The following GRIN2A variants were observed in gnomAD, a reference collection of about 807,000 sequenced individuals.
GRIN2A encodes glutamate ionotropic receptor NMDA type subunit 2A, also known as glutamate receptor ionotropic, NMDA 2A.
In GRIN2A, 22 loss-of-function variants were observed where a neutral mutation model predicts 113.4. The observed-to-expected ratio is 0.19, with a 90% CI of 0.14 to 0.28. The LOEUF (loss-of-function observed/expected upper bound fraction) is 0.28, where lower values mean the gene tolerates loss of function less well. Ranked by LOEUF, GRIN2A falls within the 10% of genes least tolerant of loss-of-function variation. The probability of loss-of-function intolerance (pLI) is 1.00; values close to 1 mark genes in which losing one functional copy is unlikely to be tolerated. For synonymous variants in GRIN2A, 827 were observed against 738.4 expected, an observed-to-expected ratio of 1.12 and a Z score of -1.94; for missense variants, 1,502 against 1,887.0, an observed-to-expected ratio of 0.80 and a Z score of 3.78.
intron 2 of GRIN2A, among the ~76,000 whole-genome samples, chr16:9,985,037 T>TGC (rs1354084009): frequency 2.6e-5 from 4 of 152,062 alleles, no homozygotes; most frequent in African/African-American, 7.2e-5. Flanking sequence ...CATGCATGCA[T>TGC]GCGTGCACAC....
Position 9,804,782 on chromosome 16 carries a change from C to T in GRIN2A, c.2169-6318G>A, listed in dbSNP as rs180900457. On this transcript the variant is annotated intron_variant, in intron 10 of 12. Coordinates refer to ENST00000330684, the MANE Select transcript of GRIN2A (RefSeq NM_001134407.3). Reference sequence around the variant, plus strand: ...TGCTGGCTACATGACAGGCTCACCCCCTGCCAGGCATCTTAGTGGCTGTGC... The same window carrying T: ...TGCTGGCTACATGACAGGCTCACCCTCTGCCAGGCATCTTAGTGGCTGTGC... Among the ~76,000 whole-genome samples the T allele has an allele frequency of 1.8e-3, 279 of 152,288 alleles. 1 individual carries two copies. The highest frequency in any genetic ancestry group is 6.2e-3 in the African/African-American group (259 of 41,564).
At chr16:10,092,515 A>G (rs979941376) in intron 2 of GRIN2A, among the ~76,000 whole-genome samples, 1 of 152,186 alleles carries the variant, frequency 6.6e-6, no homozygotes, top group Non-Finnish European at 1.5e-5. Flanking sequence ...AAAATTAAGC[A>G]TTATTTTTTT....
chr16:9,786,924 A>G (rs2077923), intron 11 of GRIN2A, among the ~76,000 whole-genome samples: 56,979 of 151,954 alleles, frequency 0.37, 11,593 homozygotes, highest in African/African-American at 0.55. Context: ...TATCTAAGGG[A>G]CCTGAAGAGT....
chr16:9,915,238 C>A lies in GRIN2A; in HGVS notation c.1007+22721G>T, dbSNP rs2141564088. Reference sequence around the variant, plus strand: ...GGCGTGAGCCACCACTCCCGGCCAACTATACAGAATTCTTAATAAGGCAAG... The same window carrying A: ...GGCGTGAGCCACCACTCCCGGCCAAATATACAGAATTCTTAATAAGGCAAG... On this transcript the variant is annotated intron_variant, in intron 3 of 12. Coordinates refer to ENST00000330684, the MANE Select transcript of GRIN2A (RefSeq NM_001134407.3). Among the ~76,000 whole-genome samples, 3 of 151,898 alleles carry A rather than the reference C, an allele frequency of 2.0e-5. No individual in the cohort carries two copies. The Middle Eastern group carries it at 0.01, about 517-fold the overall frequency.
chr16:9,826,630 A>G (rs1015116025), intron 9 of GRIN2A, among the ~76,000 whole-genome samples: 1 of 152,178 alleles, frequency 6.6e-6, no homozygotes, highest in Admixed American at 6.5e-5. Flanking sequence ...TGTATCTTCT[A>G]TTAATCTTCT....
At chr16:10,146,429 C>G (rs1228411074) in intron 2 of GRIN2A, among the ~76,000 whole-genome samples, 2 of 152,014 alleles carry the variant, frequency 1.3e-5, no homozygotes, top group Non-Finnish European at 2.9e-5. Flanking sequence ...TTATAGAATC[C>G]CCTAAAGGTG....
intron 2 of GRIN2A, among the ~76,000 whole-genome samples, chr16:10,016,579 G>C (rs1274329284): frequency 6.6e-6 from 1 of 152,170 alleles, no homozygotes. Context: ...ATCTGGCATA[G>C]CATCCCACAC....
chr16:9,918,867 G>A (rs534504329), intron 3 of GRIN2A, among the ~76,000 whole-genome samples: 8 of 151,798 alleles, frequency 5.3e-5, no homozygotes, highest in Non-Finnish European at 7.4e-5. Context: ...CACTACGGGC[G>A]TTTAGTGGTT....
At chr16:9,885,788 G>C (rs1239561454) in intron 4 of GRIN2A, among the ~76,000 whole-genome samples, 2 of 152,194 alleles carry the variant, frequency 1.3e-5, no homozygotes, top group African/African-American at 2.4e-5. Context: ...CTCTTTCTTA[G>C]AGACAGAAGC....
intron 2 of GRIN2A, among the ~76,000 whole-genome samples, chr16:10,068,728 C>T (rs969149694): frequency 1.3e-5 from 2 of 152,154 alleles, no homozygotes; most frequent in Non-Finnish European, 1.5e-5. Context: ...AATGTACAAA[C>T]CAAACTAAGG....
intron 11 of GRIN2A, among the ~76,000 whole-genome samples, chr16:9,788,200 C>T (rs997783299): frequency 1.3e-5 from 2 of 152,070 alleles, no homozygotes; most frequent in African/African-American, 4.8e-5. Context: ...TCTCCCTTTA[C>T]TCCTCCCTTT....
chr16:9,987,365 C>T (rs979755841), intron 2 of GRIN2A, among the ~76,000 whole-genome samples: 2 of 152,088 alleles, frequency 1.3e-5, no homozygotes, highest in African/African-American at 4.8e-5. Flanking sequence ...AACTCAGAAA[C>T]TATGGAAGCA....
chr16:10,079,423 G>A (rs550393514), intron 2 of GRIN2A, among the ~76,000 whole-genome samples: 2 of 152,288 alleles, frequency 1.3e-5, no homozygotes, highest in Admixed American at 1.3e-4. Context: ...AGCCCATGGG[G>A]TAGGCACTAT....
chr16:10,133,336 A>T (rs145141564), intron 2 of GRIN2A, among the ~76,000 whole-genome samples: 2 of 152,350 alleles, frequency 1.3e-5, no homozygotes, highest in African/African-American at 4.8e-5. Flanking sequence ...GACCAGGCAC[A>T]GTGACTCATG....
At chr16:9,966,101 C>G (rs777921164) in intron 2 of GRIN2A, among the ~76,000 whole-genome samples, 1 of 152,132 alleles carries the variant, frequency 6.6e-6, no homozygotes, top group Non-Finnish European at 1.5e-5. Context: ...TTGACAAGCA[C>G]GAGGGCAGGG....
At chr16:9,838,445 A>G (rs2042618996) in intron 7 of GRIN2A, among the ~76,000 whole-genome samples, 1 of 152,226 alleles carries the variant, frequency 6.6e-6, no homozygotes, top group Non-Finnish European at 1.5e-5. Flanking sequence ...GTATATATAC[A>G]TTGTGGAATA....
At chr16:9,790,740 G>A (rs1902557581) in intron 11 of GRIN2A, among the ~76,000 whole-genome samples, 1 of 152,084 alleles carries the variant, frequency 6.6e-6, no homozygotes, top group Non-Finnish European at 1.5e-5. Context: ...AGAAAATAAG[G>A]TCCCTTTCAT....
intron 2 of GRIN2A, among the ~76,000 whole-genome samples, chr16:10,068,186 G>A (rs1011788358): frequency 1.3e-5 from 2 of 152,234 alleles, no homozygotes; most frequent in Non-Finnish European, 1.5e-5. Flanking sequence ...CATGTATTGA[G>A]TGTCTACTCT....
Position 10,112,610 on chromosome 16 carries a change from C to G in GRIN2A, c.414+67388G>C, listed in dbSNP as rs994911571. On this transcript the variant is annotated intron_variant, in intron 2 of 12. Transcript: ENST00000330684. ...CAGACAGGGTGCAGCTCAAGAAGTA[C>G]TGGGGCATGGGCTCGCTAGATGCCA... The G allele has an allele frequency of 8.9e-5, 69 of 771,018 alleles. No individual in the cohort carries two copies. The African/African-American group carries it at 1.1e-3, about 12-fold the overall frequency. 47.8% of individuals were successfully genotyped at this position (771,018 alleles called of 1,614,324 possible).
Sources: gnomAD v4.1 joint callset for allele counts (sites outside exome capture counted in the v4.1 genomes callset) on GRCh38, gnomAD v4.1.1 for gene constraint, MANE v1.5 for transcripts, NCBI Gene and HGNC (gene_info 2026-07-23, HGNC 2026-07-21) for gene names.